The following RAB3C variants were observed in gnomAD, a reference collection of about 807,000 sequenced individuals.
The protein encoded by RAB3C is RAB3C, member RAS oncogene family, also known as ras-related protein Rab-3C.
Under a neutral mutation model 26.4 loss-of-function variants are expected in RAB3C, and 17 were observed. The observed-to-expected ratio is 0.64, with a 90% confidence interval of 0.44 to 0.97. The LOEUF (loss-of-function observed/expected upper bound fraction) is 0.97, where lower values mean the gene tolerates loss of function less well. RAB3C is among the 50% of genes least tolerant of loss of function. RAB3C has a pLI of 0.00. For synonymous variants in RAB3C, 91 were observed against 95.9 expected (o/e 0.95, Z 0.30); for missense variants, 242 against 281.9 (o/e 0.86, Z 1.01).
At chr5:58,685,325 G>A (rs963482342) in intron 2 of RAB3C, among the ~76,000 whole-genome samples, 22 of 152,242 alleles carry the variant, frequency 1.4e-4, no homozygotes, top group Non-Finnish European at 1.9e-4. Flanking sequence ...AGAATCTCCT[G>A]TCTTGTGCTT....
intron 4 of RAB3C, among the ~76,000 whole-genome samples, chr5:58,841,794 G>T (rs926084190): frequency 1.3e-5 from 2 of 152,156 alleles, no homozygotes; most frequent in Non-Finnish European, 2.9e-5. Context: ...TGCAGAGATT[G>T]GGTGCTTCTA....
At chr5:58,605,777 C>T (rs932986525) in intron 1 of RAB3C, among the ~76,000 whole-genome samples, 5 of 152,052 alleles carry the variant, frequency 3.3e-5, no homozygotes, top group Admixed American at 2.0e-4. Context: ...GGGCACCAAG[C>T]GCTTGTAATC....
At chr5:58,813,633 T>TATATACAC (rs1175890816) in intron 3 of RAB3C, among the ~76,000 whole-genome samples, 3 of 17,314 alleles carry the variant, frequency 1.7e-4, no homozygotes, top group Admixed American at 4.0e-4. Flanking sequence ...TATATATATA[T>TATATACAC]ACACACACAC....
intron 2 of RAB3C, among the ~76,000 whole-genome samples, chr5:58,687,117 G>A (rs964364253): frequency 1.3e-5 from 2 of 152,062 alleles, no homozygotes; most frequent in African/African-American, 4.8e-5. Flanking sequence ...TCTTTTAGTG[G>A]TTAATTGGGA....
At chr5:58,797,385 A>C in intron 3 of RAB3C, among the ~76,000 whole-genome samples, 1 of 135,490 alleles carries the variant, frequency 7.4e-6, no homozygotes, top group Non-Finnish European at 1.6e-5. Context: ...ATATATATAT[A>C]TATATATATA....
chr5:58,779,541 C>T (rs548558515), intron 3 of RAB3C, among the ~76,000 whole-genome samples: 2 of 151,896 alleles, frequency 1.3e-5, no homozygotes, highest in East Asian at 1.9e-4. Context: ...CTCACCACAA[C>T]ACTCAGCTTA....
In RAB3C at chr5:58,856,180, TCTTA is replaced by T. The variant is rs1209851734; in HGVS notation, c.*4834_*4837del. ...TACTATGTTCCAGCTATAACTCACA[TCTTA>T]CTTATAAGGTCCATAAAATCGGTTC... On this transcript the variant is annotated 3_prime_UTR_variant, in exon 5 of 5. Coordinates refer to ENST00000282878, the MANE Select transcript of RAB3C (RefSeq NM_138453.4). 6.6e-6 allele frequency: 1 copy of T among 152,014 alleles called. No individual in the cohort carries two copies. Among genetic ancestry groups the T allele is most frequent in the Non-Finnish European group, 1.5e-5 (1 of 68,012 alleles). The allele number at this position is 152,014 out of a possible 1,614,324, so 9.4% of individuals were successfully genotyped here. A position where few individuals can be genotyped will look rare whatever the true frequency, so the allele number is the denominator to read the frequency against.
intron 3 of RAB3C, among the ~76,000 whole-genome samples, chr5:58,813,584 ATT>A (rs2112042868): frequency 2.0e-5 from 1 of 50,662 alleles, no homozygotes; most frequent in East Asian, 3.6e-4. Context: ...GTTAATTTAT[ATT>A]TATATTTATA....
chr5:58,583,008 A>G (rs1579797460), upstream of RAB3C: 1 of 1,385,162 alleles, frequency 7.2e-7, no homozygotes, highest in South Asian at 1.6e-5. Context: ...GGGCGAGACT[A>G]CAGCTCCCAG....
At chr5:58,641,829 C>T (rs1747418571) in intron 2 of RAB3C, among the ~76,000 whole-genome samples, 1 of 152,188 alleles carries the variant, frequency 6.6e-6, no homozygotes, top group South Asian at 2.1e-4. Flanking sequence ...CATCTATTAA[C>T]TGTTTTGTTC....
At chr5:58,655,559 A>G (rs1242646187) in intron 2 of RAB3C, among the ~76,000 whole-genome samples, 1 of 152,242 alleles carries the variant, frequency 6.6e-6, no homozygotes, top group South Asian at 2.1e-4. Flanking sequence ...GGTAAAGAGT[A>G]AAACTAATGA....
intron 2 of RAB3C, among the ~76,000 whole-genome samples, chr5:58,664,438 A>G (rs146524789): frequency 1.5e-3 from 227 of 152,266 alleles, no homozygotes; most frequent in African/African-American, 5.2e-3. Flanking sequence ...GAAATGGCGA[A>G]CCATTTCAGA....
intron 3 of RAB3C, among the ~76,000 whole-genome samples, chr5:58,813,442 A>G (rs753970974): frequency 6.6e-6 from 1 of 151,552 alleles, no homozygotes; most frequent in East Asian, 2.0e-4. Context: ...CTGCTCCCCA[A>G]TGGATCTTTA....
chr5:58,667,091 C>T (rs1393122133), intron 2 of RAB3C, among the ~76,000 whole-genome samples: 2 of 152,244 alleles, frequency 1.3e-5, no homozygotes, highest in East Asian at 3.9e-4. Context: ...AATGTCTTTT[C>T]ACCCCTTTAC....
At chr5:58,845,700 A>G (rs1179673856) in intron 4 of RAB3C, among the ~76,000 whole-genome samples, 3 of 150,270 alleles carry the variant, frequency 2.0e-5, no homozygotes, top group East Asian at 1.9e-4. Flanking sequence ...ATAGTTTTAT[A>G]GAGGTATAAT....
intron 2 of RAB3C, among the ~76,000 whole-genome samples, chr5:58,685,372 T>C (rs992707333): frequency 2.0e-5 from 3 of 152,174 alleles, no homozygotes; most frequent in East Asian, 1.9e-4. Context: ...CTTTGGTTCA[T>C]GGCCTCTTCC....
intron 3 of RAB3C, among the ~76,000 whole-genome samples, chr5:58,773,722 G>A (rs767935886): frequency 1.5e-4 from 23 of 152,118 alleles, no homozygotes; most frequent in Non-Finnish European, 2.8e-4. Context: ...ACAGCATCAA[G>A]ATGAAGACGC....
At chr5:58,635,844 A>G (rs1747279309) in intron 2 of RAB3C, among the ~76,000 whole-genome samples, 1 of 152,194 alleles carries the variant, frequency 6.6e-6, no homozygotes, top group South Asian at 2.1e-4. Context: ...GATGGTGGAC[A>G]ACGCGTGGTG....
chr5:58,845,612 A>ATATATATGTGTGTGTGTG, intron 4 of RAB3C, among the ~76,000 whole-genome samples: 35 of 81,282 alleles, frequency 4.3e-4, no homozygotes, highest in African/African-American at 7.6e-4. Flanking sequence ...ATATATATAT[A>ATATATATGTGTGTGTGTG]TGTGTGTGTG....
Sources: gnomAD v4.1 joint callset for allele counts (sites outside exome capture counted in the v4.1 genomes callset) on GRCh38, gnomAD v4.1.1 for gene constraint, MANE v1.5 for transcripts, NCBI Gene and HGNC (gene_info 2026-07-23, HGNC 2026-07-21) for gene names.